The following SYT2 variants were observed in gnomAD, a reference collection of about 807,000 sequenced individuals.
SYT2 encodes synaptotagmin-2.
A neutral mutation model predicts 39.9 loss-of-function variants in SYT2; 15 were observed. The ratio of observed to expected loss-of-function variants is 0.38; its 90% CI spans 0.25 to 0.58. SYT2 has a LOEUF of 0.58. SYT2 is among the 20% of genes least tolerant of loss of function. SYT2 has a pLI of 0.70. For missense variants in SYT2, 389 were observed against 530.3 expected (o/e 0.73, Z 2.62); for synonymous variants, 181 against 204.5 (o/e 0.89, Z 0.98).
At chr1:202,624,763 TG>T in intron 1 of SYT2, among the ~76,000 whole-genome samples, 1 of 20,832 alleles carries the variant, frequency 4.8e-5, no homozygotes, top group Non-Finnish European at 1.3e-4. Flanking sequence ...GTGGTGTGTG[TG>T]TGGTGTGTGG....
intron 1 of SYT2, among the ~76,000 whole-genome samples, chr1:202,622,370 G>C (rs1257376684): frequency 6.6e-6 from 1 of 152,154 alleles, no homozygotes; most frequent in Non-Finnish European, 1.5e-5. Context: ...GTCAGTGCAT[G>C]CACACCTCCA....
intron 1 of SYT2, among the ~76,000 whole-genome samples, chr1:202,650,290 C>A (rs1050697001): frequency 5.9e-5 from 9 of 152,196 alleles, no homozygotes; most frequent in African/African-American, 2.2e-4. Context: ...CCTGAGAGGA[C>A]CCCAGAAAGG....
chr1:202,644,844 C>T (rs1444208141), intron 1 of SYT2, among the ~76,000 whole-genome samples: 2 of 152,028 alleles, frequency 1.3e-5, no homozygotes, highest in Non-Finnish European at 1.5e-5. Context: ...TCCAGGCATC[C>T]CCTGCCCCAG....
In SYT2 at chr1:202,616,420, C is replaced by G. The variant is rs148063443; in HGVS notation, c.-17-10631G>C. On this transcript the variant is annotated intron_variant, in intron 1 of 8. Transcript: ENST00000367268. Reference sequence around the variant, plus strand: ...GGACCAGTCCAGTTTATCACATCACCCACCAAAAATGAGCCCCACCTGCTG... The same window carrying G: ...GGACCAGTCCAGTTTATCACATCACGCACCAAAAATGAGCCCCACCTGCTG... Among the ~76,000 whole-genome samples, 152 of 152,216 alleles carry G rather than the reference C, an allele frequency of 1.0e-3. 1 individual carries two copies. The Middle Eastern group carries it at 0.01, about 10-fold the overall frequency.
chr1:202,672,018 CAGATAACAGAAAG>C (rs1329503044), intron 1 of SYT2, among the ~76,000 whole-genome samples: 33 of 152,116 alleles, frequency 2.2e-4, no homozygotes, highest in Admixed American at 2.2e-3. Flanking sequence ...TCAGGAACAA[CAGATAACAGAAAG>C]AGATCCACAG....
rs200025073 is a variant in SYT2, at chr1:202,704,155, T to C, written c.-18+6103A>G. ...GGAGGAAGTGAAGCAAGCTTTGTGA[T>C]TGAGGAAAGCCTTGTGTTGACAGGC... On this transcript the variant is annotated intron_variant, in intron 1 of 8. Transcript: ENST00000367268. Among the ~76,000 whole-genome samples, 31 of 152,246 alleles carry C rather than the reference T, an allele frequency of 2.0e-4. No homozygotes were observed. The East Asian group carries it at 4.8e-3, about 24-fold the overall frequency.
chr1:202,692,766 T>C (rs1245932437), intron 1 of SYT2, among the ~76,000 whole-genome samples: 1 of 152,076 alleles, frequency 6.6e-6, no homozygotes, highest in Non-Finnish European at 1.5e-5. Context: ...ACCTCCAAAA[T>C]TGGAAAGTTA....
intron 1 of SYT2, among the ~76,000 whole-genome samples, chr1:202,631,503 A>G (rs1023284265): frequency 1.4e-4 from 22 of 152,160 alleles, no homozygotes; most frequent in South Asian, 4.2e-4. Flanking sequence ...CCCCAAGCAA[A>G]GTCCCCTGAG....
chr1:202,690,012 A>G (rs1653777679), intron 1 of SYT2, among the ~76,000 whole-genome samples: 1 of 152,108 alleles, frequency 6.6e-6, no homozygotes, highest in Non-Finnish European at 1.5e-5. Flanking sequence ...TATTTCATAC[A>G]GGAGCAATGA....
intron 8 of SYT2, 134 bp from the exon 9 acceptor site, chr1:202,597,097 TC>T: frequency 1.4e-6 from 1 of 722,166 alleles, no homozygotes; most frequent in Non-Finnish European, 2.3e-6. Flanking sequence ...TCATCTCTGC[TC>T]CAGTGAAGAC....
chr1:202,649,309 A>T (rs1484709570), intron 1 of SYT2, among the ~76,000 whole-genome samples: 2 of 152,242 alleles, frequency 1.3e-5, no homozygotes, highest in Non-Finnish European at 2.9e-5. Context: ...TGGGGGAGGC[A>T]AGATTTCCTG....
intron 1 of SYT2, among the ~76,000 whole-genome samples, chr1:202,658,446 T>C (rs1692317810): frequency 6.6e-6 from 1 of 152,072 alleles, no homozygotes; most frequent in Non-Finnish European, 1.5e-5. Context: ...CTGATGCCTC[T>C]TGGATCCTGC....
chr1:202,660,299 C>CA (rs1169768509), intron 1 of SYT2, among the ~76,000 whole-genome samples: 2 of 152,190 alleles, frequency 1.3e-5, no homozygotes, highest in Non-Finnish European at 2.9e-5. Flanking sequence ...AATAACTTGT[C>CA]AGAACCTCAG....
intron 5 of SYT2, 85 bp from the exon 6 acceptor site, chr1:202,602,142 C>A: frequency 6.5e-7 from 1 of 1,528,212 alleles, no homozygotes. Context: ...GCATTCCAGC[C>A]CACAGGGTCC....
Position 202,628,150 on chromosome 1 carries a change from A to C in SYT2, c.-17-22361T>G, listed in dbSNP as rs17494166. Reference sequence around the variant, plus strand: ...CCACTCCGTGCCAGCGGCATATTTCATTTCATCCGGGCCTTGTGAGGTGGG... The same window carrying C: ...CCACTCCGTGCCAGCGGCATATTTCCTTTCATCCGGGCCTTGTGAGGTGGG... On this transcript the variant is annotated intron_variant, in intron 1 of 8. Coordinates refer to ENST00000367268, the MANE Select transcript of SYT2 (RefSeq NM_177402.5). The surrounding 1 kb of genome is among the most constrained non-coding windows in gnomAD (Gnocchi z 4.2). Among the ~76,000 whole-genome samples the C allele has an allele frequency of 0.16, 23,874 of 151,492 alleles. 2,477 individuals are homozygous for C. The highest frequency in any genetic ancestry group is 0.23 in the Non-Finnish European group (15,814 of 67,928).
rs530918576 is a variant in SYT2 at position 202,668,417 on chromosome 1, G to A, written c.-18+41841C>T. On this transcript the variant is annotated intron_variant, in intron 1 of 8. Transcript: ENST00000367268. ...CTCAAATAAATGCAAAAATATAATC[G>A]AGATTATATTTTCATTCTGTAGTTT... Among the ~76,000 whole-genome samples, 5 of 152,210 alleles carry A rather than the reference G, an allele frequency of 3.3e-5. No individual in the cohort carries two copies. The East Asian group carries it at 5.8e-4, about 18-fold the overall frequency.
chr1:202,652,006 C>T (rs552266672), intron 1 of SYT2, among the ~76,000 whole-genome samples: 27 of 152,232 alleles, frequency 1.8e-4, no homozygotes, highest in South Asian at 4.1e-4. Context: ...TGCAGTGAGC[C>T]GAGATCCCGC....
Position 202,623,583 on chromosome 1 carries a change from A to G in SYT2, c.-17-17794T>C, listed in dbSNP as rs190559956. Among the ~76,000 whole-genome samples the G allele has an allele frequency of 2.3e-3, 357 of 152,306 alleles. 1 individual carries two copies. The highest frequency in any genetic ancestry group is 8.2e-3 in the African/African-American group (342 of 41,562). On this transcript the variant is annotated intron_variant, in intron 1 of 8. Coordinates refer to ENST00000367268, the MANE Select transcript of SYT2 (RefSeq NM_177402.5). The surrounding 1 kb of genome is among the most constrained non-coding windows in gnomAD (Gnocchi z 4.2). Reference sequence around the variant, plus strand: ...AAGGGTGGGCGACCCGGAATGAGTGATTGAGTGGGGACAGATGGAGGCTTG... The same window carrying G: ...AAGGGTGGGCGACCCGGAATGAGTGGTTGAGTGGGGACAGATGGAGGCTTG...
intron 1 of SYT2, among the ~76,000 whole-genome samples, chr1:202,618,897 AGAAG>A (rs1691124529): frequency 1.3e-5 from 2 of 152,216 alleles, no homozygotes; most frequent in African/African-American, 4.8e-5. Context: ...AAATGTAAAA[AGAAG>A]GAAAACAGCA....
Sources: allele counts gnomAD v4.1 joint callset (sites outside exome capture counted in the v4.1 genomes callset), GRCh38; gene constraint gnomAD v4.1.1; non-coding constraint Gnocchi (gnomAD v3.1); transcripts MANE v1.5; gene names NCBI Gene and HGNC (gene_info 2026-07-23, HGNC 2026-07-21).